LRGUK: variants seen among roughly 807,000 people sequenced by gnomAD.
LRGUK encodes the protein leucine rich repeats and guanylate kinase domain containing.
Under a neutral mutation model 76.0 loss-of-function variants are expected in LRGUK, and 65 were observed. That is an observed-to-expected ratio of 0.85 (90% CI 0.70 to 1.05). The LOEUF (loss-of-function observed/expected upper bound fraction) is 1.05. Among genes scored for constraint, LRGUK ranks in the 50% least tolerant of loss-of-function variants. The pLI is 0.00. For missense variants in LRGUK, 758 were observed against 732.8 expected (o/e 1.03, Z -0.40); for synonymous variants, 268 against 265.6 (o/e 1.01, Z -0.09).
intron 18 of LRGUK, among the ~76,000 whole-genome samples, chr7:134,250,736 T>C (rs1331296095): frequency 1.3e-5 from 2 of 152,204 alleles, no homozygotes; most frequent in African/African-American, 4.8e-5. Flanking sequence ...GTTGAAACTG[T>C]GATCTCTGAG....
At chr7:134,227,749 G>A (rs1585580702) in intron 16 of LRGUK, among the ~76,000 whole-genome samples, 2 of 152,088 alleles carry the variant, frequency 1.3e-5, no homozygotes, top group South Asian at 2.1e-4. Context: ...AACCTGGGGG[G>A]AAACAGTAAC....
intron 7 of LRGUK, among the ~76,000 whole-genome samples, chr7:134,164,832 T>G (rs911906998): frequency 1.3e-5 from 2 of 151,490 alleles, no homozygotes; most frequent in African/African-American, 4.9e-5. Flanking sequence ...AACAGAGGAG[T>G]TTTCAATCAC....
the LRGUK span, among the ~76,000 whole-genome samples, chr7:134,274,461 A>G: frequency 2.0e-4 from 31 of 152,314 alleles, no homozygotes; most frequent in African/African-American, 7.2e-4. Flanking sequence ...TCTGTGATAT[A>G]AAATGTTGCT....
At chr7:134,179,305 G>T (rs1563164980) in intron 10 of LRGUK, among the ~76,000 whole-genome samples, 1 of 152,132 alleles carries the variant, frequency 6.6e-6, no homozygotes. Flanking sequence ...GGCCATTTAT[G>T]CTCTAAGTAT....
At chr7:134,181,110 T>G (rs768098375) in intron 10 of LRGUK, among the ~76,000 whole-genome samples, 1 of 152,244 alleles carries the variant, frequency 6.6e-6, no homozygotes, top group Non-Finnish European at 1.5e-5. Flanking sequence ...ACATAGTTGT[T>G]GCTCACTACC....
At chr7:134,175,260 G>T (rs190225631) in intron 8 of LRGUK, among the ~76,000 whole-genome samples, 5 of 152,160 alleles carry the variant, frequency 3.3e-5, no homozygotes, top group African/African-American at 1.2e-4. Context: ...TTGTCTGTTT[G>T]TCCTTCATTC....
At chr7:134,248,511 T>C (rs1802367198) in intron 17 of LRGUK, among the ~76,000 whole-genome samples, 1 of 152,236 alleles carries the variant, frequency 6.6e-6, no homozygotes, top group African/African-American at 2.4e-5. Context: ...AAAGGATATT[T>C]TATGCTAGAG....
chr7:134,231,417 T>A (rs1466252834), intron 16 of LRGUK, among the ~76,000 whole-genome samples: 5 of 137,372 alleles, frequency 3.6e-5, no homozygotes, highest in African/African-American at 1.6e-4. Context: ...CTTCCTTTTT[T>A]TCCTTCCTCC....
At chr7:134,137,846 T>C (rs924327242) in intron 2 of LRGUK, among the ~76,000 whole-genome samples, 4 of 145,552 alleles carry the variant, frequency 2.7e-5, no homozygotes, top group African/African-American at 9.8e-5. Flanking sequence ...TAAATTTAGG[T>C]ACATATGAGA....
At chr7:134,177,116 A>G in intron 9 of LRGUK, 53 bp downstream of exon 9, 1 of 1,107,016 alleles carries the variant, frequency 9.0e-7, no homozygotes, top group Non-Finnish European at 1.3e-6. Flanking sequence ...AATATGCTCA[A>G]AAGCTCGTGT....
intron 3 of LRGUK, among the ~76,000 whole-genome samples, chr7:134,141,170 C>T (rs1009796130): frequency 2.6e-5 from 4 of 152,178 alleles, no homozygotes; most frequent in African/African-American, 4.8e-5. Context: ...TTCATTAGTT[C>T]GTCAACTGTT....
At chr7:134,232,091 C>A (rs73724456) in intron 16 of LRGUK, among the ~76,000 whole-genome samples, 3,365 of 152,184 alleles carry the variant, frequency 0.022, 141 homozygotes, top group African/African-American at 0.078. Context: ...ACAATATGGG[C>A]CTGGTCCCTG....
At chr7:134,158,852 A>C (rs749843661) in intron 6 of LRGUK, among the ~76,000 whole-genome samples, 2 of 152,212 alleles carry the variant, frequency 1.3e-5, no homozygotes, top group Non-Finnish European at 2.9e-5. Flanking sequence ...TTGGGGGTCT[A>C]CAGTATTGAC....
intron 15 of LRGUK, among the ~76,000 whole-genome samples, chr7:134,205,190 G>T (rs1740814199): frequency 6.6e-6 from 1 of 152,210 alleles, no homozygotes; most frequent in Non-Finnish European, 1.5e-5. Flanking sequence ...TCCTCCCTGA[G>T]ATTGGCTACT....
intron 11 of LRGUK, among the ~76,000 whole-genome samples, chr7:134,189,752 T>A (rs1266731484): frequency 6.6e-6 from 1 of 152,228 alleles, no homozygotes; most frequent in Non-Finnish European, 1.5e-5. Flanking sequence ...ACAGAGGGTG[T>A]CAGGTCTCTG....
At chr7:134,151,396 A>G (rs551122830) in intron 5 of LRGUK, among the ~76,000 whole-genome samples, 25 of 152,230 alleles carry the variant, frequency 1.6e-4, no homozygotes, top group African/African-American at 3.8e-4. Context: ...TTAATTTACT[A>G]TAAATTAAAA....
chr7:134,231,820 T>A (rs13240605), intron 16 of LRGUK, among the ~76,000 whole-genome samples: 1 of 149,552 alleles, frequency 6.7e-6, no homozygotes, highest in African/African-American at 2.5e-5. Flanking sequence ...ATCTTCCTTT[T>A]CCCTGCCTTC....
chr7:134,173,565 G>A (rs1037973290), intron 7 of LRGUK, among the ~76,000 whole-genome samples: 8 of 151,980 alleles, frequency 5.3e-5, no homozygotes, highest in Non-Finnish European at 1.0e-4. Context: ...CAGGCCTGCC[G>A]CAATCCAAGT....
chr7:134,221,009 G>T (rs1026905221), intron 15 of LRGUK, among the ~76,000 whole-genome samples: 1 of 152,008 alleles, frequency 6.6e-6, no homozygotes, highest in Non-Finnish European at 1.5e-5. Context: ...CACTACACTT[G>T]TAGTGCCTAG....
Sources: allele counts gnomAD v4.1 joint callset (sites outside exome capture counted in the v4.1 genomes callset), GRCh38; gene constraint gnomAD v4.1.1; transcripts MANE v1.5; gene names NCBI Gene and HGNC (gene_info 2026-07-23, HGNC 2026-07-21).